ARHGAP44: variants seen among roughly 807,000 people sequenced by gnomAD.
ARHGAP44 encodes the protein rho GTPase-activating protein 44.
A neutral mutation model predicts 106.8 loss-of-function variants in ARHGAP44; 43 were observed. The ratio of observed to expected loss-of-function variants is 0.40; its 90% confidence interval spans 0.32 to 0.52. The LOEUF is 0.52. ARHGAP44 is among the 20% of genes least tolerant of loss of function. The pLI is 0.48. For synonymous variants in ARHGAP44, 439 were observed against 410.3 expected, an observed-to-expected ratio of 1.07 and a Z score of -0.85; for missense variants, 866 against 1,050.5, an observed-to-expected ratio of 0.82 and a Z score of 2.43.
At chr17:12,800,471 C>T (rs2034056693) in intron 1 of ARHGAP44, among the ~76,000 whole-genome samples, 2 of 152,212 alleles carry the variant, frequency 1.3e-5, no homozygotes, top group East Asian at 1.9e-4. Flanking sequence ...ACCCAGGCTG[C>T]AGTGGGCTCG....
chr17:12,956,731 T>C lies in ARHGAP44; in HGVS notation c.1327T>C (p.Trp443Arg). 1 of 1,614,118 alleles carries C rather than the reference T, an allele frequency of 6.2e-7. No individual in the cohort carries two copies. The highest frequency in any genetic ancestry group is 1.1e-5 in the South Asian group (1 of 91,072). The stretch of plus-strand genomic sequence containing the variant: ...TGAACCTATCATCCAGCATGCAGAC[T>C]GGTTCTTCCCTGGGGGTAGGTGACA... ...IIEPIIQHAD[W>R]FFPGEIEFNI... The change falls in exon 15 of 21, where the codon TGG becomes CGG. Residue 443 changes from tryptophan (W) to arginine (R), a missense_variant. Trp to Arg is a moderately radical substitution (Grantham distance 101). Transcript: ENST00000379672.
intron 6 of ARHGAP44, among the ~76,000 whole-genome samples, chr17:12,926,388 T>G (rs2038229929): frequency 6.9e-6 from 1 of 145,894 alleles, no homozygotes; most frequent in Non-Finnish European, 1.5e-5. Flanking sequence ...ATATGTATTA[T>G]ATATAATATA....
At chr17:12,800,112 G>T (rs2034044198) in intron 1 of ARHGAP44, among the ~76,000 whole-genome samples, 1 of 152,172 alleles carries the variant, frequency 6.6e-6, no homozygotes, top group African/African-American at 2.4e-5. Flanking sequence ...CTCAATAAAT[G>T]ACAGTTATTA....
rs567433632 is a variant in ARHGAP44, at chr17:12,956,209, C to T, written c.1250+229C>T. 5.3e-5 allele frequency among the ~76,000 whole-genome samples: 8 copies of T among 152,178 alleles called. No homozygotes were observed. The South Asian group carries it at 1.7e-3, about 32-fold the overall frequency. On this transcript the variant is annotated intron_variant, in intron 14 of 20. Coordinates refer to ENST00000379672, the MANE Select transcript of ARHGAP44 (RefSeq NM_014859.6). The stretch of plus-strand genomic sequence containing the variant: ...TACAGGTCTGAAGTCAGGGTCTTCT[C>T]TGAGCTAATTAAGTCAGCATTGGGA...
rs775889783 is a variant in ARHGAP44 at position 12,990,187 on chromosome 17, C to T, written c.*16C>T. The stretch of plus-strand genomic sequence containing the variant: ...CGCCCTCTGACATGACACCGCCCAT[C>T]CTGCCTCGCGTGTACATACATCACG... On this transcript the variant is annotated 3_prime_UTR_variant, in exon 21 of 21. Coordinates refer to ENST00000379672, the MANE Select transcript of ARHGAP44 (RefSeq NM_014859.6). 1 of 1,608,328 alleles carries T rather than the reference C, an allele frequency of 6.2e-7. No homozygotes were observed. Among genetic ancestry groups the T allele is most frequent in the Non-Finnish European group, 8.5e-7 (1 of 1,175,464 alleles).
At chr17:12,902,633 T>TACC (rs1159974963) in intron 3 of ARHGAP44, among the ~76,000 whole-genome samples, 4 of 152,206 alleles carry the variant, frequency 2.6e-5, no homozygotes, top group African/African-American at 9.6e-5. Context: ...AGAACTTGCC[T>TACC]ACCACACTAG....
intron 16 of ARHGAP44, 161 bp from the exon 17 acceptor site, chr17:12,973,141 T>TAG: frequency 1.4e-6 from 1 of 702,710 alleles, no homozygotes; most frequent in Non-Finnish European, 2.4e-6. Flanking sequence ...AGAGTCACTT[T>TAG]AGAGAGACCA....
intron 14 of ARHGAP44, among the ~76,000 whole-genome samples, chr17:12,956,252 G>A (rs952316302): frequency 2.0e-5 from 3 of 152,108 alleles, no homozygotes; most frequent in Admixed American, 6.5e-5. Context: ...AAAGGAGGGC[G>A]TAGGACATGG....
chr17:12,854,069 G>C (rs1182717168), intron 1 of ARHGAP44, among the ~76,000 whole-genome samples: 3 of 152,218 alleles, frequency 2.0e-5, no homozygotes, highest in African/African-American at 7.2e-5. Context: ...ACAAAAGGCA[G>C]GTGGGGAGGA....
At chr17:12,830,885 G>T (rs931947571) in intron 1 of ARHGAP44, among the ~76,000 whole-genome samples, 2 of 152,202 alleles carry the variant, frequency 1.3e-5, no homozygotes, top group Non-Finnish European at 2.9e-5. Context: ...TCAGAAAGTA[G>T]TTCAGTTAAG....
At chr17:12,908,422 C>T (rs959262893) in intron 3 of ARHGAP44, among the ~76,000 whole-genome samples, 2 of 152,222 alleles carry the variant, frequency 1.3e-5, no homozygotes, top group African/African-American at 4.8e-5. Flanking sequence ...GTCTCGAACT[C>T]CTGACCTCAG....
At chr17:12,875,351 T>C (rs2036521395) in intron 1 of ARHGAP44, among the ~76,000 whole-genome samples, 1 of 152,150 alleles carries the variant, frequency 6.6e-6, no homozygotes, top group Non-Finnish European at 1.5e-5. Context: ...CCCAGGACTT[T>C]GGGAGGCCAA....
At chr17:12,954,913 G>A (rs11078097) in intron 13 of ARHGAP44, among the ~76,000 whole-genome samples, 1 of 151,920 alleles carries the variant, frequency 6.6e-6, no homozygotes, top group South Asian at 2.1e-4. Flanking sequence ...AGTGTAGTAG[G>A]TTTTAGTGTG....
intron 1 of ARHGAP44, among the ~76,000 whole-genome samples, chr17:12,868,413 C>T (rs2150877496): frequency 6.6e-6 from 1 of 151,840 alleles, no homozygotes; most frequent in South Asian, 2.1e-4. Flanking sequence ...GAACACAGTT[C>T]AGTCCTTACC....
intron 1 of ARHGAP44, among the ~76,000 whole-genome samples, chr17:12,808,126 G>T (rs1195530325): frequency 6.6e-6 from 1 of 152,212 alleles, no homozygotes. Flanking sequence ...CAACAGGTGG[G>T]CTCCCACAAC....
At chr17:12,926,466 A>ATGT (rs1567691116) in intron 6 of ARHGAP44, among the ~76,000 whole-genome samples, 23 of 108,286 alleles carry the variant, frequency 2.1e-4, no homozygotes, top group African/African-American at 7.8e-4. Context: ...ATACATATAT[A>ATGT]ATATATATAA....
chr17:12,930,233 C>T (rs958883248), intron 7 of ARHGAP44, among the ~76,000 whole-genome samples: 4 of 151,706 alleles, frequency 2.6e-5, no homozygotes, highest in South Asian at 4.2e-4. Context: ...TCTTTTCTCT[C>T]TCTCTCTTTT....
At chr17:12,843,778 C>T (rs1206647416) in intron 1 of ARHGAP44, among the ~76,000 whole-genome samples, 1 of 151,602 alleles carries the variant, frequency 6.6e-6, no homozygotes, top group East Asian at 1.9e-4. Flanking sequence ...GGCTCAGCCT[C>T]CCAAGTAGCT....
chr17:12,913,315 G>T lies in ARHGAP44; in HGVS notation c.276-2585G>T, dbSNP rs74574216. Among the ~76,000 whole-genome samples the T allele has an allele frequency of 6.7e-3, 1,025 of 152,086 alleles. 15 individuals are homozygous for T. The highest frequency in any genetic ancestry group is 0.024 in the African/African-American group (989 of 41,506). On this transcript the variant is annotated intron_variant, in intron 4 of 20. Transcript: ENST00000379672. ...AACTAGGAAAGTGGCAGAGTATTTT[G>T]AATTCGATTGGGTACGTAGAAAACA...
Sources: allele counts gnomAD v4.1 joint callset (sites outside exome capture counted in the v4.1 genomes callset), GRCh38; gene constraint gnomAD v4.1.1; transcripts MANE v1.5; gene names NCBI Gene and HGNC (gene_info 2026-07-23, HGNC 2026-07-21).